The following CACNA2D3 variants were observed in gnomAD, a reference collection of about 807,000 sequenced individuals.
CACNA2D3 encodes the protein voltage-dependent calcium channel subunit alpha-2/delta-3.
Under a neutral mutation model 160.6 loss-of-function variants are expected in CACNA2D3, and 60 were observed. The observed-to-expected ratio is 0.37, with a 90% CI of 0.30 to 0.46. The LOEUF is 0.46. Ranked by LOEUF, CACNA2D3 falls within the 20% of genes least tolerant of loss-of-function variation. The pLI, the probability that CACNA2D3 is intolerant of heterozygous loss-of-function variation, is 1.00. For missense variants in CACNA2D3, 1,205 were observed against 1,365.0 expected, an observed-to-expected ratio of 0.88 and a Z score of 1.85; for synonymous variants, 558 against 492.9, an observed-to-expected ratio of 1.13 and a Z score of -1.75.
chr3:54,532,122 T>C (rs1701815571), intron 5 of CACNA2D3, among the ~76,000 whole-genome samples: 1 of 152,134 alleles, frequency 6.6e-6, no homozygotes, highest in Non-Finnish European at 1.5e-5. Context: ...GGGGTAAAAG[T>C]GTGGGGAAGA....
intron 2 of CACNA2D3, among the ~76,000 whole-genome samples, chr3:54,155,450 C>T (rs1700229334): frequency 6.6e-6 from 1 of 152,158 alleles, no homozygotes. Context: ...CAGAAGGGAC[C>T]ACATAACTTC....
At position 54,522,937 on chromosome 3, in the gene CACNA2D3, C is replaced by T. The variant is rs766780765; in HGVS notation, c.544+19283C>T. 4.2e-3 allele frequency among the ~76,000 whole-genome samples: 548 copies of T among 129,130 alleles called. 3 individuals are homozygous for T. The highest frequency in any genetic ancestry group is 0.017 in the East Asian group (70 of 4,036). 84.7% of individuals were successfully genotyped at this position (129,130 alleles called of 152,430 possible). ...ATTTATTTATTTATTTATTTATTTACTTACTTACTTACTTACTTACTTACT... is the reference window on the plus strand; with the variant it reads ...ATTTATTTATTTATTTATTTATTTATTTACTTACTTACTTACTTACTTACT... On this transcript the variant is annotated intron_variant, in intron 5 of 37. Transcript: ENST00000474759.
chr3:54,285,856 G>A (rs574861133), intron 2 of CACNA2D3, among the ~76,000 whole-genome samples: 93 of 152,350 alleles, frequency 6.1e-4, no homozygotes, highest in Non-Finnish European at 1.0e-3. Flanking sequence ...CAACAGACCT[G>A]CAGCTGAGGG....
At position 54,709,051 on chromosome 3, in the gene CACNA2D3, C is replaced by CT. The variant is rs547183124; in HGVS notation, c.1168-43547dup. ...TCAAGATGGAGTCTTGCTCTGTCAC[C>CT]TAGGCTAGAGTGCAATGACTCAATG... On this transcript the variant is annotated intron_variant, in intron 11 of 37. Transcript: ENST00000474759. Among the ~76,000 whole-genome samples, 44 of 150,740 alleles carry CT rather than the reference C, an allele frequency of 2.9e-4. No homozygotes were observed. The East Asian group carries it at 8.6e-3, about 29-fold the overall frequency.
At chr3:54,276,719 G>A (rs2107457529) in intron 2 of CACNA2D3, among the ~76,000 whole-genome samples, 1 of 152,226 alleles carries the variant, frequency 6.6e-6, no homozygotes, top group East Asian at 1.9e-4. Flanking sequence ...GGCAGGGCTG[G>A]TATGGGAGAG....
chr3:54,739,430 AAAAAAAAAAAAC>A (rs1701598444), intron 11 of CACNA2D3, among the ~76,000 whole-genome samples: 2 of 149,644 alleles, frequency 1.3e-5, no homozygotes, highest in Admixed American at 1.3e-4. Context: ...TGTCTCAAAA[AAAAAAAAAAAAC>A]AAAAAAAAAA....
chr3:54,365,387 A>G (rs1698811277), intron 3 of CACNA2D3, among the ~76,000 whole-genome samples: 1 of 152,242 alleles, frequency 6.6e-6, no homozygotes, highest in Non-Finnish European at 1.5e-5. Context: ...ATACACAAGT[A>G]AAGAAGTCAT....
intron 4 of CACNA2D3, among the ~76,000 whole-genome samples, chr3:54,474,250 G>A (rs1431874271): frequency 6.6e-6 from 1 of 152,174 alleles, no homozygotes; most frequent in South Asian, 2.1e-4. Context: ...CCTTTGCGGG[G>A]ACATGGTTGA....
chr3:54,838,612 A>G lies in CACNA2D3; in HGVS notation c.1515A>G (p.Pro505=). ...TGGGAGTGGTTGGCACAGATGTCCC[A>G]GTGAAAGAACTTCTGAAGACCATCC... ...ILLGVVGTDV[P]VKELLKTIPK... is the part of the protein sequence containing the mutation. Residue 505 remains proline, a synonymous_variant, in exon 16 of 38, where the codon CCA becomes CCG. Coordinates refer to ENST00000474759, the MANE Select transcript of CACNA2D3 (RefSeq NM_018398.3). The G allele has an allele frequency of 3.1e-6, 5 of 1,613,762 alleles. No homozygotes were observed. Among genetic ancestry groups the G allele is most frequent in the Non-Finnish European group, 4.2e-6 (5 of 1,179,654 alleles).
intron 2 of CACNA2D3, among the ~76,000 whole-genome samples, chr3:54,272,250 T>C (rs536253353): frequency 6.6e-6 from 1 of 152,338 alleles, no homozygotes; most frequent in South Asian, 2.1e-4. Flanking sequence ...CTTCTTTGTT[T>C]TCTTGTACAT....
In CACNA2D3 at chr3:54,646,176, CTCCCTCCCTCCTTCCTTGCTTCCTTCCT is replaced by C. The variant is rs1559537917; in HGVS notation, c.1167+3939_1167+3966del. On this transcript the variant is annotated intron_variant, in intron 11 of 37. Coordinates refer to ENST00000474759, the MANE Select transcript of CACNA2D3 (RefSeq NM_018398.3). ...CCTCCCTCCCTCCCTCCCTCCCTCC[CTCCCTCCCTCCTTCCTTGCTTCCTTCCT>C]TCCTTCCTTCCTTCCTTCCTTCCTT... 6.2e-4 allele frequency among the ~76,000 whole-genome samples: 16 copies of C among 25,682 alleles called. 3 individuals carry two copies. Among genetic ancestry groups the C allele is most frequent in the Admixed American group, 2.0e-3 (4 of 1,998 alleles). 16.8% of individuals were successfully genotyped at this position (25,682 alleles called of 152,430 possible). A position where few individuals can be genotyped will look rare whatever the true frequency, so the allele number is the denominator to read the frequency against.
At chr3:54,369,440 G>A (rs1420414622) in intron 3 of CACNA2D3, among the ~76,000 whole-genome samples, 1 of 152,186 alleles carries the variant, frequency 6.6e-6, no homozygotes, top group African/African-American at 2.4e-5. Flanking sequence ...AACCGGACAA[G>A]TCAGGGCCTT....
intron 10 of CACNA2D3, chr3:54,633,762 G>A (rs988609313): frequency 2.6e-5 from 4 of 152,160 alleles, no homozygotes; most frequent in Admixed American, 1.3e-4. Flanking sequence ...AAGTAAATTC[G>A]TATTAATACA....
chr3:54,256,602 C>A (rs1481434419), intron 2 of CACNA2D3, among the ~76,000 whole-genome samples: 2 of 152,072 alleles, frequency 1.3e-5, no homozygotes, highest in African/African-American at 4.8e-5. Context: ...CCCAGAGGGT[C>A]CACATTTTTC....
At position 54,879,076 on chromosome 3, in the gene CACNA2D3, C is replaced by A. The variant is rs748787686; in HGVS notation, c.1769C>A (p.Thr590Lys). 6.2e-7 allele frequency: 1 copy of A among 1,601,504 alleles called. No homozygotes were observed. Among genetic ancestry groups the A allele is most frequent in the Non-Finnish European group, 8.5e-7 (1 of 1,173,498 alleles). ...AAGTTTTCCATGGAGGTGAAGAAGA[C>A]AGTGGACAAAGGGGTACATTTTTCT... ...TGKFSMEVKK[T>K]VDKGKRVLVM... Residue 590 changes from threonine to lysine, a missense_variant, in exon 19 of 38, where the codon ACA becomes AAA. Around this residue, in one of 3 missense-constraint regions of CACNA2D3, gnomAD observed 911 missense variants for 1,002.2 expected, o/e 0.91. Coordinates refer to ENST00000474759, the MANE Select transcript of CACNA2D3 (RefSeq NM_018398.3).
chr3:54,855,862 C>T (rs1699158151), intron 17 of CACNA2D3, among the ~76,000 whole-genome samples: 2 of 152,196 alleles, frequency 1.3e-5, no homozygotes, highest in Non-Finnish European at 2.9e-5. Context: ...CTGGGTGTGG[C>T]TCTGACCCCT....
At chr3:54,549,118 G>C (rs1399165443) in intron 5 of CACNA2D3, among the ~76,000 whole-genome samples, 3 of 152,142 alleles carry the variant, frequency 2.0e-5, no homozygotes. Context: ...TCATATTAGA[G>C]GCAGGAGAGT....
At chr3:54,730,541 C>T (rs576976759) in intron 11 of CACNA2D3, among the ~76,000 whole-genome samples, 9 of 152,198 alleles carry the variant, frequency 5.9e-5, no homozygotes, top group Non-Finnish European at 1.0e-4. Context: ...CTCGCTCTGT[C>T]GCCCAGGCTG....
intron 5 of CACNA2D3, among the ~76,000 whole-genome samples, chr3:54,511,805 G>A (rs1701463729): frequency 6.6e-6 from 1 of 152,208 alleles, no homozygotes; most frequent in South Asian, 2.1e-4. Context: ...GCTGGAGTTT[G>A]TAGATGATTT....
Sources: gnomAD v4.1 joint callset for allele counts (sites outside exome capture counted in the v4.1 genomes callset) on GRCh38, gnomAD v4.1.1 for gene constraint, gnomAD v4.1.1 regional missense constraint, MANE v1.5 for transcripts, NCBI Gene and HGNC (gene_info 2026-07-23, HGNC 2026-07-21) for gene names.